Variants in R3HCC1 observed in about 807,000 individuals in gnomAD.
R3HCC1 encodes R3H domain and coiled-coil containing 1.
In R3HCC1, 32 loss-of-function variants were observed where a neutral mutation model predicts 40.0. The observed-to-expected ratio is 0.80, with a 90% CI of 0.60 to 1.07. The LOEUF (loss-of-function observed/expected upper bound fraction) is 1.07. R3HCC1 is among the 50% of genes least tolerant of loss of function. The pLI is 0.00. For missense variants in R3HCC1, 586 were observed against 563.3 expected (o/e 1.04, Z -0.41); for synonymous variants, 237 against 232.8 (o/e 1.02, Z -0.17).
In R3HCC1 at chr8:23,289,028, C is replaced by A. The variant is rs928176078; in HGVS notation, c.123C>A (p.Phe41Leu). ...CCTCCCTCCCCAGGGTTCTTCTTTTCCCCCCACTCTCCAGTCGCCTCCGGT... is the reference window on the plus strand; with the variant it reads ...CCTCCCTCCCCAGGGTTCTTCTTTTACCCCCACTCTCCAGTCGCCTCCGGT... Residue 41 changes from phenylalanine (F) to leucine (L), a missense_variant, in exon 3 of 8, where the codon TTC (phenylalanine) becomes TTA (leucine). By Grantham distance (22) the Phe-to-Leu change is conservative. Transcript: ENST00000265806. 1 of 1,536,452 alleles carries A rather than the reference C, an allele frequency of 6.5e-7. No homozygotes were observed.
At chr8:23,295,634 C>T in intron 7 of R3HCC1, 2 of 472,102 alleles carry the variant, frequency 4.2e-6, no homozygotes, top group Non-Finnish European at 7.9e-6. Flanking sequence ...TCTGTGAGCT[C>T]TGGGTGTTCC....
At chr8:23,295,648 C>A in intron 7 of R3HCC1, 3 of 478,524 alleles carry the variant, frequency 6.3e-6, no homozygotes, top group South Asian at 6.0e-5. Flanking sequence ...GTGTTCCATC[C>A]TGACTTGATA....
chr8:23,294,942 T>A lies in R3HCC1; in HGVS notation c.1192+78T>A, dbSNP rs186117006. The A allele has an allele frequency of 5.4e-5, 58 of 1,072,918 alleles. No individual in the cohort carries two copies. In the African/African-American group the frequency reaches 8.6e-4, roughly 16 times the overall value. 66.5% of individuals were successfully genotyped at this position (1,072,918 alleles called of 1,614,324 possible). ...GCGAGCATGTGTGTGTGTGCGTGTG[T>A]GTGTGTCTGGTTTGGGCAGGGTCTT... On this transcript the variant is annotated intron_variant, in intron 7 of 7. Coordinates refer to ENST00000265806, the MANE Select transcript of R3HCC1 (RefSeq NM_001136108.3).
Position 23,296,175 on chromosome 8 carries a change from C to T in R3HCC1, c.*78C>T, listed in dbSNP as rs544467695. 40 of 1,463,278 alleles carry T rather than the reference C, an allele frequency of 2.7e-5. No individual in the cohort carries two copies. In the East Asian group the frequency reaches 7.3e-4, roughly 27 times the overall value. The allele number at this position is 1,463,278 out of a possible 1,614,324, so 90.6% of individuals were successfully genotyped here. A position where few individuals can be genotyped will look rare whatever the true frequency, so the allele number is the denominator to read the frequency against. On this transcript the variant is annotated 3_prime_UTR_variant, in exon 8 of 8. Transcript: ENST00000265806. ...CAACACCATAAGCCTTCACAGACGC[C>T]AGAGCAGCCCCGCACCACCCTCGAG...
intron 6 of R3HCC1, among the ~76,000 whole-genome samples, chr8:23,294,442 G>C (rs959189798): frequency 1.3e-5 from 2 of 152,188 alleles, no homozygotes; most frequent in Admixed American, 1.3e-4. Flanking sequence ...TGGTGAAAGG[G>C]GGAGAGGTTG....
At chr8:23,294,669 T>G in intron 6 of R3HCC1, 100 bp from the exon 7 acceptor site, 1 of 902,686 alleles carries the variant, frequency 1.1e-6, no homozygotes, top group Non-Finnish European at 1.8e-6. Context: ...CCCTGAGCTT[T>G]GAATAGGTGC....
At position 23,290,094 on chromosome 8, in the gene R3HCC1, A is replaced by T; in HGVS notation, c.477A>T (p.Arg159Ser). 6.4e-7 allele frequency: 1 copy of T among 1,550,552 alleles called. No individual in the cohort carries two copies. Among genetic ancestry groups the T allele is most frequent in the Non-Finnish European group, 8.7e-7 (1 of 1,146,998 alleles). Residue 159 changes from arginine (R) to serine (S), a missense_variant, in exon 4 of 8, where the codon AGA (arginine) becomes AGT (serine). Physicochemically the swap from Arg to Ser is moderately radical, Grantham distance 110. Transcript: ENST00000265806. ...TGACCTCTACCTCGGTGCTCAAGAG[A>T]GAGGCCCCAGCTGGCAGGGACCCAG... is the stretch of plus-strand genomic sequence containing the variant.
At position 23,289,969 on chromosome 8, in the gene R3HCC1, G is replaced by GA. The variant is rs774865081; in HGVS notation, c.352_353insA (p.Val118AspfsTer17). On this transcript the variant is annotated frameshift_variant, in exon 4 of 8. Transcript: ENST00000265806. LOFTEE classifies it high-confidence loss of function. ...CATCTCCAACCAAGGAGCAGCTGCGGTTCCCCGAGGTGCCCGGGCTGGCCG... is the reference window on the plus strand; with the variant it reads ...CATCTCCAACCAAGGAGCAGCTGCGGATTCCCCGAGGTGCCCGGGCTGGCCG... The GA allele has an allele frequency of 6.5e-7, 1 of 1,536,408 alleles. No individual in the cohort carries two copies. The highest frequency in any genetic ancestry group is 1.2e-5 in the South Asian group (1 of 84,064).
chr8:23,291,493 C>T lies in R3HCC1; in HGVS notation c.985C>T (p.Leu329Phe). ...AGAGATCTATGACTTTGAACCAGCGCTCAAGACGGAGGACCTGCTGGCAAC... is the reference window on the plus strand; with the variant it reads ...AGAGATCTATGACTTTGAACCAGCGTTCAAGACGGAGGACCTGCTGGCAAC... Residue 329 changes from leucine (L) to phenylalanine (F), a missense_variant, in exon 5 of 8, where the codon CTC becomes TTC. Transcript: ENST00000265806. 1.3e-6 allele frequency: 2 copies of T among 1,551,552 alleles called. No homozygotes were observed. The highest frequency in any genetic ancestry group is 2.4e-5 in the East Asian group (1 of 40,914).
chr8:23,294,620 C>T lies in R3HCC1; in HGVS notation c.1097-149C>T, dbSNP rs535359489. The stretch of plus-strand genomic sequence containing the variant: ...GGGGATGAGGCAAGCAGGCGGCAGT[C>T]GTCTCTTGCCCATCCAGGGCGGTGT... On this transcript the variant is annotated intron_variant, in intron 6 of 7. Transcript: ENST00000265806. 2.3e-5 allele frequency: 15 copies of T among 640,100 alleles called. No individual in the cohort carries two copies. In the East Asian group the frequency reaches 2.5e-4, roughly 11 times the overall value. The allele number at this position is 640,100 out of a possible 1,614,324, so 39.7% of individuals were successfully genotyped here.
In R3HCC1 at chr8:23,288,949, T is replaced by TGG. The variant is rs971743328; in HGVS notation, c.111-65_111-64dup. The TGG allele has an allele frequency of 4.6e-6, 7 of 1,505,844 alleles. No individual in the cohort carries two copies. The African/African-American group carries it at 8.3e-5, about 18-fold the overall frequency. The allele number at this position is 1,505,844 out of a possible 1,614,324, so 93.3% of individuals were successfully genotyped here. On this transcript the variant is annotated intron_variant, in intron 2 of 7. Coordinates refer to ENST00000265806, the MANE Select transcript of R3HCC1 (RefSeq NM_001136108.3). ...GCCCAGTGTTAATCCGCGATTAACC[T>TGG]GGGAGTGGACCTGGTAGGGGCCAGG...
At chr8:23,292,408 A>G (rs993829256) in intron 5 of R3HCC1, among the ~76,000 whole-genome samples, 1 of 152,110 alleles carries the variant, frequency 6.6e-6, no homozygotes, top group South Asian at 2.1e-4. Flanking sequence ...ATCGAGACCA[A>G]CCTGGCTAAT....
intron 3 of R3HCC1, among the ~76,000 whole-genome samples, 180 bp from the exon 4 acceptor site, chr8:23,289,686 C>T (rs991228841): frequency 1.3e-5 from 2 of 152,246 alleles, no homozygotes; most frequent in African/African-American, 4.8e-5. Context: ...GCTCTGGGCT[C>T]ATGCAAAAGT....
At chr8:23,295,406 T>C (rs1279744357) in intron 7 of R3HCC1, 1 of 454,190 alleles carries the variant, frequency 2.2e-6, no homozygotes, top group Non-Finnish European at 4.4e-6. Flanking sequence ...TGAGGGCACA[T>C]AGAAGGTACC....
chr8:23,295,659 C>T (rs547089305), intron 7 of R3HCC1: 26 of 487,294 alleles, frequency 5.3e-5, no homozygotes, highest in South Asian at 4.8e-4. Flanking sequence ...TGACTTGATA[C>T]CCCTCCCAAA....
At chr8:23,290,879 G>A in intron 4 of R3HCC1, 1 of 230,996 alleles carries the variant, frequency 4.3e-6, no homozygotes, top group Non-Finnish European at 8.5e-6. Flanking sequence ...CCGTGCGACT[G>A]CCCCTGAGAC....
chr8:23,293,520 C>A, intron 6 of R3HCC1, 147 bp downstream of exon 6: 1 of 633,490 alleles, frequency 1.6e-6, no homozygotes, highest in Non-Finnish European at 2.7e-6. Context: ...GCCTAAAACC[C>A]AGGGGGAGCT....
chr8:23,292,654 C>T (rs1802893001), intron 5 of R3HCC1, among the ~76,000 whole-genome samples: 1 of 152,290 alleles, frequency 6.6e-6, no homozygotes, highest in Non-Finnish European at 1.5e-5. Flanking sequence ...CCCCTTTCCA[C>T]GTGGCCCTTG....
intron 5 of R3HCC1, among the ~76,000 whole-genome samples, chr8:23,292,817 C>T (rs112012630): frequency 1.3e-4 from 20 of 152,292 alleles, no homozygotes; most frequent in Non-Finnish European, 2.2e-4. Flanking sequence ...CCGGGTGGGG[C>T]CACACTGCCT....
Sources: allele counts gnomAD v4.1 joint callset (sites outside exome capture counted in the v4.1 genomes callset), GRCh38; gene constraint gnomAD v4.1.1; transcripts MANE v1.5; gene names NCBI Gene and HGNC (gene_info 2026-07-23, HGNC 2026-07-21).